CDH4: variants seen among roughly 807,000 people sequenced by gnomAD.
CDH4 encodes cadherin 4.
CDH4 carries 33 observed loss-of-function variants against 86.0 expected under a neutral mutation model. The ratio of observed to expected loss-of-function variants is 0.38; its 90% CI spans 0.29 to 0.51. The LOEUF (loss-of-function observed/expected upper bound fraction) is 0.51. Among genes scored for constraint, CDH4 ranks in the 20% least tolerant of loss-of-function variants. The pLI, the probability that CDH4 is intolerant of heterozygous loss-of-function variation, is 0.86. For synonymous variants in CDH4, 555 were observed against 549.4 expected (o/e 1.01, Z -0.14); for missense variants, 1,114 against 1,307.4 (o/e 0.85, Z 2.28).
At position 61,283,489 on chromosome 20, in the gene CDH4, TAG is replaced by T. The variant is rs371675009; in HGVS notation, c.169+28553_169+28554del. 1.1e-3 allele frequency among the ~76,000 whole-genome samples: 96 copies of T among 84,164 alleles called. 9 individuals carry two copies. The highest frequency in any genetic ancestry group is 1.4e-3 in the Non-Finnish European group (57 of 40,516). 55.2% of individuals were successfully genotyped at this position (84,164 alleles called of 152,430 possible). On this transcript the variant is annotated intron_variant, in intron 2 of 15. Transcript: ENST00000614565. ...CACGCGTGTGCTGTGGTGTGTGATG[TAG>T]GTGCATTTGCACGCGTGTGCTGTGG... is the stretch of plus-strand genomic sequence containing the variant.
At chr20:61,789,029 G>A (rs1244036406) in intron 4 of CDH4, among the ~76,000 whole-genome samples, 3 of 152,168 alleles carry the variant, frequency 2.0e-5, no homozygotes, top group Non-Finnish European at 1.5e-5. Context: ...GCATCAAGCT[G>A]GCCTGGGTTG....
intron 2 of CDH4, among the ~76,000 whole-genome samples, chr20:61,356,764 T>C (rs1462925221): frequency 6.6e-6 from 1 of 152,246 alleles, no homozygotes; most frequent in Non-Finnish European, 1.5e-5. Context: ...AATATTCTGT[T>C]TTTAAAAAAT....
rs376291129 is a variant in CDH4, at chr20:61,439,056, C to T, written c.169+184119C>T. ...TCCCCCCAAGCCTAGCATCTGCCTT[C>T]GGTGTTGACTCTTCTGACTGAATAT... On this transcript the variant is annotated intron_variant, in intron 2 of 15. Coordinates refer to ENST00000614565, the MANE Select transcript of CDH4 (RefSeq NM_001794.5). Among the ~76,000 whole-genome samples, 16 of 152,252 alleles carry T rather than the reference C, an allele frequency of 1.1e-4. No individual in the cohort carries two copies. In the South Asian group the frequency reaches 1.9e-3, roughly 18 times the overall value.
chr20:61,260,063 A>T (rs537788409), intron 2 of CDH4, among the ~76,000 whole-genome samples: 53 of 152,336 alleles, frequency 3.5e-4, no homozygotes, highest in African/African-American at 1.2e-3. Context: ...AAATAAGGTC[A>T]AAACACCACG....
intron 2 of CDH4, among the ~76,000 whole-genome samples, chr20:61,301,025 C>G (rs1423400139): frequency 6.6e-6 from 1 of 152,232 alleles, no homozygotes; most frequent in Non-Finnish European, 1.5e-5. Flanking sequence ...ACGGTTAATC[C>G]CATTAACTTC....
At chr20:61,324,341 C>T (rs998764406) in intron 2 of CDH4, among the ~76,000 whole-genome samples, 1 of 152,044 alleles carries the variant, frequency 6.6e-6, no homozygotes, top group African/African-American at 2.4e-5. Context: ...ACTGGGGGGG[C>T]TTAAAACAAC....
At chr20:61,769,159 G>C (rs1276259662) in intron 3 of CDH4, among the ~76,000 whole-genome samples, 3 of 152,202 alleles carry the variant, frequency 2.0e-5, no homozygotes, top group African/African-American at 4.8e-5. Flanking sequence ...CAAAAATAAT[G>C]CTCCACCACC....
chr20:61,628,865 C>A (rs1012017232), intron 2 of CDH4, among the ~76,000 whole-genome samples: 3 of 152,258 alleles, frequency 2.0e-5, no homozygotes, highest in African/African-American at 7.2e-5. Context: ...GGATGATGGG[C>A]CCCTCTCCTT....
At chr20:61,506,932 C>T (rs961124991) in intron 2 of CDH4, among the ~76,000 whole-genome samples, 1 of 152,168 alleles carries the variant, frequency 6.6e-6, no homozygotes, top group Non-Finnish European at 1.5e-5. Flanking sequence ...CAAGGTCCAC[C>T]TATTCAGACA....
intron 2 of CDH4, among the ~76,000 whole-genome samples, chr20:61,677,102 G>A (rs1042682016): frequency 6.6e-6 from 1 of 152,184 alleles, no homozygotes; most frequent in Non-Finnish European, 1.5e-5. Flanking sequence ...CTCCGCATGC[G>A]GTAGGGAGCC....
intron 2 of CDH4, among the ~76,000 whole-genome samples, chr20:61,732,429 C>G (rs2088202666): frequency 6.6e-6 from 1 of 152,154 alleles, no homozygotes; most frequent in Non-Finnish European, 1.5e-5. Context: ...AGGCACTGCC[C>G]CATCCCTCCC....
At chr20:61,438,983 C>A (rs939244977) in intron 2 of CDH4, among the ~76,000 whole-genome samples, 1 of 151,886 alleles carries the variant, frequency 6.6e-6, no homozygotes, top group Admixed American at 6.6e-5. Flanking sequence ...TTCTTATTTA[C>A]ACAATGAAAA....
At chr20:61,429,541 G>A (rs1380483716) in intron 2 of CDH4, among the ~76,000 whole-genome samples, 5 of 151,986 alleles carry the variant, frequency 3.3e-5, no homozygotes, top group East Asian at 1.9e-4. Flanking sequence ...GTGGGTGTGT[G>A]AGTGGATGGA....
At chr20:61,298,776 G>T (rs1408745049) in intron 2 of CDH4, among the ~76,000 whole-genome samples, 1 of 148,852 alleles carries the variant, frequency 6.7e-6, no homozygotes, top group African/African-American at 2.5e-5. Flanking sequence ...TCCAAGTTAA[G>T]CTGCGAAGGG....
In CDH4 at chr20:61,701,174, T is replaced by A. The variant is rs148932336; in HGVS notation, c.170-42389T>A. The stretch of plus-strand genomic sequence containing the variant: ...ACATCGCCTTCCCTCTGGGAGTGTG[T>A]CTGTGCCCAAGTCTCCAGTTTTCTA... On this transcript the variant is annotated intron_variant, in intron 2 of 15. Coordinates refer to ENST00000614565, the MANE Select transcript of CDH4 (RefSeq NM_001794.5). Among the ~76,000 whole-genome samples, 751 of 152,304 alleles carry A rather than the reference T, an allele frequency of 4.9e-3. 7 individuals are homozygous for A. Among genetic ancestry groups the A allele is most frequent in the Middle Eastern group, 0.017 (5 of 294 alleles).
At chr20:61,467,943 A>G (rs981034582) in intron 2 of CDH4, among the ~76,000 whole-genome samples, 1 of 152,226 alleles carries the variant, frequency 6.6e-6, no homozygotes, top group African/African-American at 2.4e-5. Context: ...CCGAGGGAAG[A>G]AGTGGCACAG....
intron 5 of CDH4, among the ~76,000 whole-genome samples, chr20:61,845,710 G>C (rs772385543): frequency 1.3e-5 from 2 of 152,180 alleles, no homozygotes; most frequent in Non-Finnish European, 2.9e-5. Flanking sequence ...GGTTAACCCT[G>C]GTGAGGCGTT....
At chr20:61,344,316 C>T (rs2084665156) in intron 2 of CDH4, among the ~76,000 whole-genome samples, 2 of 152,108 alleles carry the variant, frequency 1.3e-5, no homozygotes, top group Admixed American at 1.3e-4. Flanking sequence ...ATGGACTGGG[C>T]CCTCAGTTTG....
chr20:61,837,864 G>A (rs1981951911), intron 4 of CDH4, among the ~76,000 whole-genome samples: 1 of 152,082 alleles, frequency 6.6e-6, no homozygotes, highest in South Asian at 2.1e-4. Context: ...ATCCAGGCCA[G>A]CCCACTGCAG....
Sources: gnomAD v4.1 joint callset for allele counts (sites outside exome capture counted in the v4.1 genomes callset) on GRCh38, gnomAD v4.1.1 for gene constraint, MANE v1.5 for transcripts, NCBI Gene and HGNC (gene_info 2026-07-23, HGNC 2026-07-21) for gene names.